Variants in NBPF11 observed in about 807,000 individuals in gnomAD.
The protein encoded by NBPF11 is NBPF member 11.
A neutral mutation model predicts 93.9 loss-of-function variants in NBPF11; 72 were observed. The ratio of observed to expected loss-of-function variants is 0.77; its 90% CI spans 0.63 to 0.93. NBPF11 has a LOEUF of 0.93. Ranked by LOEUF, NBPF11 falls within the 40% of genes least tolerant of loss-of-function variation. The pLI is 0.00. For missense variants in NBPF11, 705 were observed against 802.2 expected, an observed-to-expected ratio of 0.88 and a Z score of 1.46; for synonymous variants, 224 against 304.9, an observed-to-expected ratio of 0.73 and a Z score of 2.76.
chr1:148,109,558 T>C, intron 16 of NBPF11: 2 of 628,354 alleles, frequency 3.2e-6, no homozygotes, highest in Non-Finnish European at 5.7e-6. Flanking sequence ...GAATGTTATT[T>C]TCCCTATGTG....
At chr1:148,113,249 G>C (rs1349343983) in intron 15 of NBPF11, among the ~76,000 whole-genome samples, 2 of 151,878 alleles carry the variant, frequency 1.3e-5, no homozygotes, top group Non-Finnish European at 1.5e-5. Context: ...GACACACATA[G>C]GCTCAAAATA....
intron 1 of NBPF11, chr1:148,146,745 G>C (rs1459419146): frequency 2.5e-6 from 4 of 1,612,554 alleles, no homozygotes; most frequent in African/African-American, 2.7e-5. Flanking sequence ...TCCTCTTCTC[G>C]CACGGCAATG....
In NBPF11 at chr1:148,149,582, G is replaced by C. The variant is rs1418533282; in HGVS notation, c.-549+2168C>G. On this transcript the variant is annotated intron_variant, in intron 1 of 23. Transcript: ENST00000682118. ...GCGCGCCTAGCGGCGGCCCCAACCA[G>C]CCGGACCTCAGCAATAAGGCGGCCC... The C allele has an allele frequency of 2.3e-5, 36 of 1,593,602 alleles. No individual in the cohort carries two copies. In the African/African-American group the frequency reaches 2.3e-4, roughly 10 times the overall value.
intron 10 of NBPF11, among the ~76,000 whole-genome samples, chr1:148,119,797 A>G (rs1667412520): frequency 2.0e-5 from 3 of 151,880 alleles, no homozygotes; most frequent in Middle Eastern, 3.2e-3. Context: ...GGGTGATTAC[A>G]GTCACCTGCC....
Position 148,102,436 on chromosome 1 carries a change from T to C in NBPF11, c.*1460A>G, listed in dbSNP as rs1662553173. 1 of 151,802 alleles carries C rather than the reference T, an allele frequency of 6.6e-6. No homozygotes were observed. The highest frequency in any genetic ancestry group is 1.5e-5 in the Non-Finnish European group (1 of 68,026). The allele number at this position is 151,802 out of a possible 1,614,324, so 9.4% of individuals were successfully genotyped here. A position where few individuals can be genotyped will look rare whatever the true frequency, so the allele number is the denominator to read the frequency against. ...CAAGTACTTCATTATAAGTAAGGTG[T>C]CTCTAAAAGGGACAGATCTCCTAGA... On this transcript the variant is annotated 3_prime_UTR_variant, in exon 24 of 24. Transcript: ENST00000682118.
At chr1:148,106,779 G>A (rs1198590227) in intron 20 of NBPF11, among the ~76,000 whole-genome samples, 163 bp downstream of exon 20, 3 of 147,966 alleles carry the variant, frequency 2.0e-5, no homozygotes, top group African/African-American at 5.1e-5. Flanking sequence ...TCATGTCTAG[G>A]CTTCCAGCTG....
intron 17 of NBPF11, among the ~76,000 whole-genome samples, chr1:148,109,077 C>A (rs1248874969): frequency 6.6e-6 from 1 of 151,372 alleles, no homozygotes; most frequent in Non-Finnish European, 1.5e-5. Context: ...GTATGGTCAA[C>A]CTTCACTAGG....
At chr1:148,137,521 C>A (rs1671512635) in intron 3 of NBPF11, among the ~76,000 whole-genome samples, 190 bp downstream of exon 3, 1 of 152,048 alleles carries the variant, frequency 6.6e-6, no homozygotes, top group Non-Finnish European at 1.5e-5. Flanking sequence ...CCGCTTCATT[C>A]CAGACTTCTG....
At chr1:148,109,469 T>G in intron 16 of NBPF11, 134 bp from the exon 17 acceptor site, 1 of 751,214 alleles carries the variant, frequency 1.3e-6, no homozygotes, top group Non-Finnish European at 2.4e-6. Flanking sequence ...AGAGAAATAT[T>G]CCAGTAGGCC....
At position 148,125,624 on chromosome 1, in the gene NBPF11, C is replaced by A. The variant is rs1265754158; in HGVS notation, c.176-623G>T. The stretch of plus-strand genomic sequence containing the variant: ...ATTAGTTGTGTTAATTTAGAAACAG[C>A]ATAAGATTAGTTTGTGTTAATTTAG... On this transcript the variant is annotated intron_variant, in intron 5 of 23. Transcript: ENST00000682118. 3.4e-3 allele frequency among the ~76,000 whole-genome samples: 524 copies of A among 152,092 alleles called. 3 individuals are homozygous for A. The highest frequency in any genetic ancestry group is 5.7e-3 in the Non-Finnish European group (387 of 68,028).
intron 4 of NBPF11, among the ~76,000 whole-genome samples, chr1:148,127,799 C>G (rs1289033787): frequency 6.8e-6 from 1 of 148,022 alleles, no homozygotes; most frequent in African/African-American, 2.5e-5. Flanking sequence ...CCCGCCACCA[C>G]GCCCGGCTAA....
At chr1:148,131,436 C>T (rs1164684218) in intron 4 of NBPF11, among the ~76,000 whole-genome samples, 49 of 151,810 alleles carry the variant, frequency 3.2e-4, no homozygotes, top group African/African-American at 1.1e-3. Context: ...CACCTAGACC[C>T]ATTTAGATTA....
chr1:148,109,111 G>A (rs1427828514), intron 17 of NBPF11, among the ~76,000 whole-genome samples, 173 bp downstream of exon 17: 1 of 151,334 alleles, frequency 6.6e-6, no homozygotes, highest in Non-Finnish European at 1.5e-5. Context: ...AGGGTAGGAA[G>A]AAATGGAAAC....
At chr1:148,122,877 G>C (rs1425579995) in intron 7 of NBPF11, 76 bp from the exon 8 acceptor site, 3 of 1,605,558 alleles carry the variant, frequency 1.9e-6, no homozygotes, top group Non-Finnish European at 2.6e-6. Flanking sequence ...CGTGCACAGA[G>C]ACATGAATAT....
intron 5 of NBPF11, among the ~76,000 whole-genome samples, chr1:148,126,406 C>T (rs1231118745): frequency 2.0e-5 from 3 of 151,194 alleles, no homozygotes; most frequent in African/African-American, 4.9e-5. Flanking sequence ...TCACCAAGTT[C>T]CCCTCAGAGT....
At chr1:148,149,610 G>C in intron 1 of NBPF11, 1 of 1,568,038 alleles carries the variant, frequency 6.4e-7, no homozygotes, top group Non-Finnish European at 8.6e-7. Flanking sequence ...GGCGGCCCCC[G>C]GACCTCACCC....
At chr1:148,147,776 C>T (rs1673428067) in intron 1 of NBPF11, among the ~76,000 whole-genome samples, 1 of 151,988 alleles carries the variant, frequency 6.6e-6, no homozygotes, top group Non-Finnish European at 1.5e-5. Flanking sequence ...GCTCCAGGGG[C>T]CTCCCGGCAG....
chr1:148,108,872 C>G (rs1463371448), intron 17 of NBPF11, among the ~76,000 whole-genome samples: 1 of 150,162 alleles, frequency 6.7e-6, no homozygotes, highest in African/African-American at 2.5e-5. Flanking sequence ...CACACACACA[C>G]ACACACACAC....
intron 9 of NBPF11, 98 bp downstream of exon 9, chr1:148,121,957 A>T (rs2149235063): frequency 1.1e-6 from 1 of 939,124 alleles, no homozygotes; most frequent in East Asian, 2.4e-5. Context: ...CTAGTTTCTG[A>T]CTAAAACAAT....
Sources: allele counts gnomAD v4.1 joint callset (sites outside exome capture counted in the v4.1 genomes callset), GRCh38; gene constraint gnomAD v4.1.1; transcripts MANE v1.5; gene names NCBI Gene and HGNC (gene_info 2026-07-23, HGNC 2026-07-21).